The following UBAC2 variants were observed in gnomAD, a reference collection of about 807,000 sequenced individuals.
UBAC2 encodes UBA domain containing 2.
Under a neutral mutation model 44.0 loss-of-function variants are expected in UBAC2, and 26 were observed. The observed-to-expected ratio is 0.59, with a 90% CI of 0.43 to 0.82. The LOEUF (loss-of-function observed/expected upper bound fraction) is 0.82, where lower values mean the gene tolerates loss of function less well. Among genes scored for constraint, UBAC2 ranks in the 40% least tolerant of loss-of-function variants. The pLI, the probability that UBAC2 is intolerant of heterozygous loss-of-function variation, is 0.00. For missense variants in UBAC2, 329 were observed against 419.4 expected (o/e 0.78, Z 1.88); for synonymous variants, 155 against 154.3 (o/e 1.00, Z -0.04).
chr13:99,236,264 T>G (rs1327170291), intron 1 of UBAC2, among the ~76,000 whole-genome samples: 3 of 152,176 alleles, frequency 2.0e-5, no homozygotes, highest in Non-Finnish European at 4.4e-5. Flanking sequence ...AACAAAGAGA[T>G]AACCCACAGA....
chr13:99,292,892 G>T (rs142965224), intron 4 of UBAC2, among the ~76,000 whole-genome samples: 1 of 152,136 alleles, frequency 6.6e-6, no homozygotes, highest in Admixed American at 6.5e-5. Flanking sequence ...GTCATGTTCT[G>T]TAACAGAATA....
chr13:99,268,759 C>T (rs1487275722), intron 4 of UBAC2, among the ~76,000 whole-genome samples: 1 of 151,950 alleles, frequency 6.6e-6, no homozygotes, highest in Non-Finnish European at 1.5e-5. Flanking sequence ...CATGGAGTGA[C>T]TGCCAGTTGA....
chr13:99,243,744 A>T, intron 2 of UBAC2, 88 bp from the exon 3 acceptor site: 1 of 1,158,608 alleles, frequency 8.6e-7, no homozygotes, highest in Non-Finnish European at 1.2e-6. Flanking sequence ...CATTAAAAAT[A>T]GGCAGTGTAA....
At chr13:99,372,023 A>T (rs572749310) in intron 8 of UBAC2, 2 of 152,200 alleles carry the variant, frequency 1.3e-5, no homozygotes, top group African/African-American at 4.8e-5. Context: ...ACCTCTGCCA[A>T]TTCATCACCC....
intron 2 of UBAC2, among the ~76,000 whole-genome samples, chr13:99,241,318 A>G (rs139705830): frequency 5.8e-4 from 89 of 152,226 alleles, no homozygotes; most frequent in African/African-American, 2.1e-3. Context: ...TCGCAGCAGC[A>G]TTATTCACAA....
At chr13:99,384,172 C>T (rs1403173585) in intron 8 of UBAC2, among the ~76,000 whole-genome samples, 2 of 152,144 alleles carry the variant, frequency 1.3e-5, no homozygotes, top group Non-Finnish European at 2.9e-5. Context: ...CCAAGTAGCT[C>T]GCTCTCTTTC....
intron 1 of UBAC2, among the ~76,000 whole-genome samples, chr13:99,222,061 C>G (rs1431480879): frequency 1.3e-5 from 2 of 152,070 alleles, no homozygotes; most frequent in Admixed American, 1.3e-4. Context: ...ATTCATTCAC[C>G]ACATAGTTAC....
At chr13:99,208,822 G>A (rs552314724) in intron 1 of UBAC2, among the ~76,000 whole-genome samples, 1 of 152,356 alleles carries the variant, frequency 6.6e-6, no homozygotes, top group Admixed American at 6.5e-5. Flanking sequence ...CCTGTGTCCT[G>A]CAGGTGCTTC....
At chr13:99,292,292 C>T (rs997713996) in intron 4 of UBAC2, among the ~76,000 whole-genome samples, 11 of 150,396 alleles carry the variant, frequency 7.3e-5, no homozygotes, top group African/African-American at 1.5e-4. Context: ...CCCACCACCA[C>T]GCCCAGCTAA....
chr13:99,298,732 A>G lies in UBAC2; in HGVS notation c.390-15365A>G, dbSNP rs1022471193. Among the ~76,000 whole-genome samples the G allele has an allele frequency of 7.2e-5, 11 of 152,320 alleles. No homozygotes were observed. The East Asian group carries it at 1.7e-3, about 24-fold the overall frequency. On this transcript the variant is annotated intron_variant, in intron 4 of 8. Coordinates refer to ENST00000403766, the MANE Select transcript of UBAC2 (RefSeq NM_001144072.2). ...TTAAATAGAAAATCATAGGGATTTCATTGTGGAATAAAAGTAGAAAAAGAT... is the reference window on the plus strand; with the variant it reads ...TTAAATAGAAAATCATAGGGATTTCGTTGTGGAATAAAAGTAGAAAAAGAT...
At chr13:99,255,218 T>G in intron 4 of UBAC2, 1 of 1,614,052 alleles carries the variant, frequency 6.2e-7, no homozygotes, top group East Asian at 2.2e-5. Context: ...AGCTTAGACG[T>G]CCTGCCGTGA....
intron 7 of UBAC2, among the ~76,000 whole-genome samples, chr13:99,360,944 G>A (rs1594169947): frequency 6.6e-6 from 1 of 152,172 alleles, no homozygotes; most frequent in East Asian, 1.9e-4. Flanking sequence ...GGACGCTCGA[G>A]TGCCCGAGGT....
At chr13:99,211,745 TAAA>T (rs1004052458) in intron 1 of UBAC2, among the ~76,000 whole-genome samples, 3 of 152,068 alleles carry the variant, frequency 2.0e-5, no homozygotes, top group Non-Finnish European at 4.4e-5. Flanking sequence ...TTCTCAGCCT[TAAA>T]GAAGTTTATC....
intron 4 of UBAC2, among the ~76,000 whole-genome samples, chr13:99,292,221 C>T (rs891624292): frequency 4.0e-5 from 6 of 151,224 alleles, no homozygotes; most frequent in South Asian, 2.1e-4. Context: ...CTGCAAGCTC[C>T]GTCTCCCAGG....
chr13:99,230,975 T>C (rs926702790), intron 1 of UBAC2, among the ~76,000 whole-genome samples: 1 of 151,694 alleles, frequency 6.6e-6, no homozygotes, highest in Admixed American at 6.6e-5. Flanking sequence ...CTAAACCCGG[T>C]AGGCGGAGGT....
chr13:99,249,015 T>G (rs1489553686), intron 4 of UBAC2, among the ~76,000 whole-genome samples: 1 of 152,134 alleles, frequency 6.6e-6, no homozygotes, highest in East Asian at 1.9e-4. Flanking sequence ...TGAGTCTTAG[T>G]TTTTATTTTT....
chr13:99,294,977 G>C, intron 4 of UBAC2: 1 of 1,445,368 alleles, frequency 6.9e-7, no homozygotes, highest in South Asian at 1.4e-5. Context: ...ATTGGAAGCT[G>C]AACAATTATT....
chr13:99,202,699 GTCTGGAGCCCC>G (rs1162316172), intron 1 of UBAC2, among the ~76,000 whole-genome samples: 3 of 152,136 alleles, frequency 2.0e-5, no homozygotes, highest in Non-Finnish European at 4.4e-5. Flanking sequence ...AGAGGCGTAG[GTCTGGAGCCCC>G]TCTGCAGCTG....
intron 1 of UBAC2, among the ~76,000 whole-genome samples, chr13:99,220,874 G>A (rs561303422): frequency 2.6e-5 from 4 of 151,866 alleles, no homozygotes; most frequent in South Asian, 2.1e-4. Context: ...TGTCAAAATC[G>A]ATTTTTTTTT....
Sources: gnomAD v4.1 joint callset for allele counts (sites outside exome capture counted in the v4.1 genomes callset) on GRCh38, gnomAD v4.1.1 for gene constraint, MANE v1.5 for transcripts, NCBI Gene and HGNC (gene_info 2026-07-23, HGNC 2026-07-21) for gene names.